The following PFKL variants were observed in gnomAD, a reference collection of about 807,000 sequenced individuals.
The protein encoded by PFKL is ATP-dependent 6-phosphofructokinase, liver type.
Under a neutral mutation model 92.1 loss-of-function variants are expected in PFKL, and 74 were observed. The ratio of observed to expected loss-of-function variants is 0.80; its 90% CI spans 0.67 to 0.97. The LOEUF is 0.97. Among genes scored for constraint, PFKL ranks in the 50% least tolerant of loss-of-function variants. The probability of loss-of-function intolerance (pLI) is 0.00; values close to 1 mark genes in which losing one functional copy is unlikely to be tolerated. For missense variants in PFKL, 1,028 were observed against 1,116.6 expected, an observed-to-expected ratio of 0.92 and a Z score of 1.13; for synonymous variants, 494 against 456.4, an observed-to-expected ratio of 1.08 and a Z score of -1.05.
intron 2 of PFKL, among the ~76,000 whole-genome samples, chr21:44,307,963 G>A (rs1278155670): frequency 1.3e-5 from 2 of 152,254 alleles, no homozygotes; most frequent in Admixed American, 1.3e-4. Flanking sequence ...CATCGGTGCA[G>A]GGCGTGTCCT....
chr21:44,326,722 A>G lies in PFKL; in HGVS notation c.2203A>G (p.Met735Val), dbSNP rs568750535. ...CATCCCCGTCCTGCACAGGCACCGCATGCCACGGGAGCAGTGGTGGCTGAG... is the reference window on the plus strand; with the variant it reads ...CATCCCCGTCCTGCACAGGCACCGCGTGCCACGGGAGCAGTGGTGGCTGAG... ...LKKDTDFEHR[M>V]PREQWWLSLR... The change falls in exon 22 of 22, where the codon ATG becomes GTG. Residue 735 changes from methionine (M) to valine (V), a missense_variant. Coordinates refer to ENST00000349048, the MANE Select transcript of PFKL (RefSeq NM_002626.6). The G allele has an allele frequency of 1.9e-6, 3 of 1,611,896 alleles. No homozygotes were observed. The highest frequency in any genetic ancestry group is 2.5e-6 in the Non-Finnish European group (3 of 1,179,500).
intron 16 of PFKL, 27 bp from the exon 17 acceptor site, chr21:44,324,464 G>A: frequency 6.2e-7 from 1 of 1,610,874 alleles, no homozygotes; most frequent in Non-Finnish European, 8.5e-7. Flanking sequence ...GCACGTGGAG[G>A]ACCCCCGACC....
chr21:44,323,408 A>T (rs550913614), intron 15 of PFKL, among the ~76,000 whole-genome samples: 1 of 152,290 alleles, frequency 6.6e-6, no homozygotes, highest in East Asian at 1.9e-4. Flanking sequence ...GCAGAGGTGT[A>T]GGTGCTGGAC....
At chr21:44,325,347 C>T (rs1362953785) in intron 19 of PFKL, 83 bp downstream of exon 19, 2 of 790,278 alleles carry the variant, frequency 2.5e-6, no homozygotes, top group Non-Finnish European at 4.3e-6. Flanking sequence ...TCCCAGCCCT[C>T]ACGGGCACCC....
chr21:44,318,529 G>T lies in PFKL; in HGVS notation c.996G>T (p.Pro332=), dbSNP rs767824430. The T allele has an allele frequency of 1.3e-6, 2 of 1,578,530 alleles. No homozygotes were observed. Among genetic ancestry groups the T allele is most frequent in the African/African-American group, 2.7e-5 (2 of 73,712 alleles). The change falls in exon 10 of 22, where the codon CCG becomes CCT. Residue 332 remains proline, a synonymous_variant. Coordinates refer to ENST00000349048, the MANE Select transcript of PFKL (RefSeq NM_002626.6). ...TGCTGGAAGCCACGCCTGACACGCC[G>T]GCCTGCGTGGTCACCCTCTCGGGGA... ...MALLEATPDT[P]ACVVTLSGNQ...
At position 44,326,812 on chromosome 21, in the gene PFKL, G is replaced by C; in HGVS notation, c.2293G>C (p.Glu765Gln). 6.2e-7 allele frequency: 1 copy of C among 1,606,908 alleles called. No homozygotes were observed. The highest frequency in any genetic ancestry group is 8.5e-7 in the Non-Finnish European group (1 of 1,176,902). ...CAGTATGGCCGCCTACGTGTCAGGGGAGCTGGAGCACGTGACCCGCCGCAC... is the reference window on the plus strand; with the variant it reads ...CAGTATGGCCGCCTACGTGTCAGGGCAGCTGGAGCACGTGACCCGCCGCAC... ...RISMAAYVSGELEHVTRRTLS... is the reference protein window; with the variant it reads ...RISMAAYVSGQLEHVTRRTLS... The change falls in exon 22 of 22, where the codon GAG becomes CAG. Residue 765 changes from glutamate (E) to glutamine (Q), a missense_variant. Glu to Gln is a conservative substitution (Grantham distance 29). Coordinates refer to ENST00000349048, the MANE Select transcript of PFKL (RefSeq NM_002626.6).
rs369329849 is a variant in PFKL at position 44,326,834 on chromosome 21, G to T, written c.2315G>T (p.Arg772Leu). 6.2e-7 allele frequency: 1 copy of T among 1,609,710 alleles called. No individual in the cohort carries two copies. The highest frequency in any genetic ancestry group is 8.5e-7 in the Non-Finnish European group (1 of 1,178,630). Residue 772 changes from arginine (R) to leucine (L), a missense_variant, in exon 22 of 22, where the codon CGC (arginine) becomes CTC (leucine). Coordinates refer to ENST00000349048, the MANE Select transcript of PFKL (RefSeq NM_002626.6). The stretch of plus-strand genomic sequence containing the variant: ...GGGGAGCTGGAGCACGTGACCCGCC[G>T]CACCCTGAGCATGGACAAGGGCTTC... The part of the protein sequence containing the change: ...VSGELEHVTR[R>L]TLSMDKGF
At chr21:44,307,384 C>T in intron 2 of PFKL, 1 of 816,852 alleles carries the variant, frequency 1.2e-6, no homozygotes, top group Non-Finnish European at 1.5e-6. Flanking sequence ...CGCATTCACA[C>T]ACTTGGGCCA....
chr21:44,307,494 A>G (rs1355257740), intron 2 of PFKL, among the ~76,000 whole-genome samples: 1 of 152,198 alleles, frequency 6.6e-6, no homozygotes, highest in East Asian at 1.9e-4. Context: ...TTTATGTAAT[A>G]TGTAGCTGTT....
In PFKL at chr21:44,316,264, A is replaced by T; in HGVS notation, c.768A>T (p.Arg256=). Residue 256 remains arginine, a synonymous_variant, in exon 8 of 22, where the codon CGA becomes CGT. Transcript: ENST00000349048. ...RLGETRSRGS[R]LNIIIIAEGA... Reference sequence around the variant, plus strand: ...CCCAGACTCGGAGCCGTGGGTCCCGACTGAACATCATCATCATCGCTGAGG... The same window carrying T: ...CCCAGACTCGGAGCCGTGGGTCCCGTCTGAACATCATCATCATCGCTGAGG... 4 of 1,613,068 alleles carry T rather than the reference A, an allele frequency of 2.5e-6. No individual in the cohort carries two copies. The highest frequency in any genetic ancestry group is 3.4e-6 in the Non-Finnish European group (4 of 1,179,934).
At chr21:44,319,909 C>T (rs925785252) in intron 11 of PFKL, 175 bp from the exon 12 acceptor site, 4 of 614,646 alleles carry the variant, frequency 6.5e-6, no homozygotes, top group South Asian at 1.9e-5. Flanking sequence ...TTGGGGGTCT[C>T]GCACCTTCTG....
chr21:44,320,035 C>T (rs760323412), intron 11 of PFKL, 49 bp from the exon 12 acceptor site: 19 of 1,535,834 alleles, frequency 1.2e-5, no homozygotes, highest in Admixed American at 3.3e-5. Flanking sequence ...TGTGGCTGTA[C>T]GCCGTGGCGC....
chr21:44,305,357 C>G (rs1050748635), intron 1 of PFKL: 14 of 1,365,994 alleles, frequency 1.0e-5, no homozygotes, highest in Non-Finnish European at 1.3e-5. Context: ...GTCGAGAGTC[C>G]TCTCGTGGGG....
intron 2 of PFKL, chr21:44,307,234 T>C (rs533230379): frequency 1.0e-6 from 1 of 979,910 alleles, no homozygotes; most frequent in East Asian, 1.1e-4. Context: ...AGCTCTGCTG[T>C]GTCTATGTTC....
intron 12 of PFKL, 66 bp from the exon 13 acceptor site, chr21:44,321,663 C>T: frequency 1.4e-6 from 2 of 1,445,544 alleles, no homozygotes; most frequent in South Asian, 1.5e-5. Context: ...GCCTGCTGAC[C>T]TCCTGTGCAG....
intron 14 of PFKL, 88 bp from the exon 15 acceptor site, chr21:44,322,874 C>A: frequency 2.1e-6 from 2 of 930,838 alleles, no homozygotes; most frequent in East Asian, 2.8e-5. Flanking sequence ...CGGGGAACGG[C>A]CAAGGCAATG....
intron 10 of PFKL, 126 bp downstream of exon 10, chr21:44,318,721 C>T (rs771160995): frequency 1.7e-5 from 12 of 704,746 alleles, no homozygotes; most frequent in South Asian, 3.9e-5. Context: ...GTGGCTGGCC[C>T]AGGGCATCCC....
intron 1 of PFKL, among the ~76,000 whole-genome samples, chr21:44,303,658 C>G (rs932126975): frequency 9.2e-5 from 14 of 152,098 alleles, no homozygotes; most frequent in South Asian, 2.1e-4. Flanking sequence ...CTGACATGGC[C>G]TCCTGTTTGG....
chr21:44,316,252 C>T lies in PFKL; in HGVS notation c.756C>T (p.Ser252=). 2.5e-6 allele frequency: 4 copies of T among 1,613,000 alleles called. No homozygotes were observed. The highest frequency in any genetic ancestry group is 3.4e-6 in the Non-Finnish European group (4 of 1,179,874). The change falls in exon 8 of 22, where the codon AGC becomes AGT. Residue 252 remains serine, a synonymous_variant. Coordinates refer to ENST00000349048, the MANE Select transcript of PFKL (RefSeq NM_002626.6). ...FMCERLGETR[S]RGSRLNIIII... ...TCGTGTCTTTGACCCAGACTCGGAG[C>T]CGTGGGTCCCGACTGAACATCATCA...
Sources: allele counts gnomAD v4.1 joint callset (sites outside exome capture counted in the v4.1 genomes callset), GRCh38; gene constraint gnomAD v4.1.1; transcripts MANE v1.5; gene names NCBI Gene and HGNC (gene_info 2026-07-23, HGNC 2026-07-21).